CFI: variants seen among roughly 807,000 people sequenced by gnomAD.
The protein encoded by CFI is complement factor I.
CFI carries 66 observed loss-of-function variants against 78.8 expected under a neutral mutation model. The ratio of observed to expected loss-of-function variants is 0.84; its 90% CI spans 0.69 to 1.03. The LOEUF (loss-of-function observed/expected upper bound fraction) is 1.03. CFI is among the 50% of genes least tolerant of loss of function. The pLI is 0.00. For synonymous variants in CFI, 250 were observed against 232.6 expected (o/e 1.07, Z -0.68); for missense variants, 706 against 704.5 (o/e 1.00, Z -0.02).
At chr4:109,792,106 A>G (rs1731455682) in intron 1 of CFI, among the ~76,000 whole-genome samples, 1 of 152,106 alleles carries the variant, frequency 6.6e-6, no homozygotes, top group Admixed American at 6.6e-5. Flanking sequence ...TATCTTAGAA[A>G]TTGTTCCATG....
chr4:109,779,920 C>T (rs1579280143), intron 1 of CFI, among the ~76,000 whole-genome samples: 2 of 152,066 alleles, frequency 1.3e-5, no homozygotes, highest in South Asian at 4.2e-4. Flanking sequence ...GGAAAACTGG[C>T]TAGCCATAAG....
rs200025458 is a variant in CFI at position 109,742,551 on chromosome 4, T to G, written c.1474A>C (p.Ile492Leu). Reference sequence around the variant, plus strand: ...CCGTAAAACTTAGAGCAGTTGCTTATTAGTTTAACTTCACCCCACTGAAGT... The same window carrying G: ...CCGTAAAACTTAGAGCAGTTGCTTAGTAGTTTAACTTCACCCCACTGAAGT... ...FSLQWGEVKL[I>L]SNCSKFYGNR... The change falls in exon 12 of 13, where the codon ATA becomes CTA. Residue 492 changes from isoleucine to leucine, a missense_variant. Coordinates refer to ENST00000394634, the MANE Select transcript of CFI (RefSeq NM_000204.5). 5.5e-5 allele frequency: 89 copies of G among 1,613,584 alleles called. No individual in the cohort carries two copies. The highest frequency in any genetic ancestry group is 7.4e-5 in the Non-Finnish European group (87 of 1,179,622).
intron 7 of CFI, among the ~76,000 whole-genome samples, chr4:109,753,484 TAATAAATATTTATAA>T (rs1561293629): frequency 2.3e-5 from 2 of 85,558 alleles, no homozygotes; most frequent in African/African-American, 9.7e-5. Context: ...TAAATATTTA[TAATAAATATTTATAA>T]TATATTTATT....
chr4:109,791,229 G>C (rs1731339849), intron 1 of CFI, among the ~76,000 whole-genome samples: 1 of 151,954 alleles, frequency 6.6e-6, no homozygotes, highest in South Asian at 2.1e-4. Flanking sequence ...TATGATTGCT[G>C]CTGCATATAA....
intron 2 of CFI, among the ~76,000 whole-genome samples, chr4:109,765,245 C>T (rs1727584586): frequency 6.6e-6 from 1 of 152,164 alleles, no homozygotes; most frequent in Non-Finnish European, 1.5e-5. Context: ...ATCTCAACAT[C>T]TTAACTCAGC....
At chr4:109,791,174 T>C (rs1731332733) in intron 1 of CFI, among the ~76,000 whole-genome samples, 1 of 152,244 alleles carries the variant, frequency 6.6e-6, no homozygotes, top group South Asian at 2.1e-4. Flanking sequence ...ATTGTGGTTT[T>C]AATTTGCATT....
intron 6 of CFI, 166 bp from the exon 7 acceptor site, chr4:109,757,949 A>G (rs1053405225): frequency 4.1e-6 from 6 of 1,465,988 alleles, no homozygotes; most frequent in African/African-American, 1.4e-5. Context: ...GAATTGTAGG[A>G]TGTCTAGCTG....
chr4:109,737,358 T>C (rs1723429005), downstream of CFI, among the ~76,000 whole-genome samples: 1 of 152,188 alleles, frequency 6.6e-6, no homozygotes. Flanking sequence ...TGTATCTGCC[T>C]GGAAAGTTCT....
At chr4:109,752,941 A>T (rs1327899722) in intron 7 of CFI, among the ~76,000 whole-genome samples, 1 of 81,230 alleles carries the variant, frequency 1.2e-5, no homozygotes, top group East Asian at 2.6e-4. Flanking sequence ...TATATAAATA[A>T]ATATTTATAA....
downstream of CFI, among the ~76,000 whole-genome samples, chr4:109,738,245 G>A (rs1268569882): frequency 1.3e-5 from 2 of 151,392 alleles, no homozygotes; most frequent in South Asian, 2.1e-4. Context: ...CTTCCAAGTA[G>A]CAGGGGCTGC....
At chr4:109,733,303 C>T in the CFI span, among the ~76,000 whole-genome samples, 41 of 152,324 alleles carry the variant, frequency 2.7e-4, no homozygotes, top group East Asian at 1.5e-3. Flanking sequence ...GACCCACTTC[C>T]ATCTTTTCTT....
At chr4:109,780,610 C>T (rs1342147713) in intron 1 of CFI, among the ~76,000 whole-genome samples, 2 of 152,130 alleles carry the variant, frequency 1.3e-5, no homozygotes, top group African/African-American at 4.8e-5. Context: ...AGATCTAGAA[C>T]TGGAAATACC....
At chr4:109,795,975 G>T (rs1434518901) in intron 1 of CFI, among the ~76,000 whole-genome samples, 3 of 152,092 alleles carry the variant, frequency 2.0e-5, no homozygotes, top group Admixed American at 2.0e-4. Flanking sequence ...ATCTAGGGAA[G>T]GAAATGGACA....
At chr4:109,741,465 A>G in intron 12 of CFI, 1 of 500,572 alleles carries the variant, frequency 2.0e-6, no homozygotes, top group Non-Finnish European at 2.6e-6. Flanking sequence ...TTAGTCATTC[A>G]TTGTCTTCAT....
At chr4:109,778,796 C>T (rs1729616043) in intron 1 of CFI, among the ~76,000 whole-genome samples, 1 of 152,168 alleles carries the variant, frequency 6.6e-6, no homozygotes, top group Non-Finnish European at 1.5e-5. Flanking sequence ...ATCAAGTTGG[C>T]TTCATCCCTG....
At chr4:109,787,722 T>C (rs1171839564) in intron 1 of CFI, among the ~76,000 whole-genome samples, 3 of 152,004 alleles carry the variant, frequency 2.0e-5, no homozygotes, top group African/African-American at 4.8e-5. Context: ...TAATTTTTAG[T>C]CTCTCTAAAA....
intron 7 of CFI, among the ~76,000 whole-genome samples, chr4:109,755,312 G>C (rs559457903): frequency 6.6e-6 from 1 of 152,286 alleles, no homozygotes; most frequent in South Asian, 2.1e-4. Flanking sequence ...ATTGGTGGAA[G>C]TAAGGACTGG....
intron 2 of CFI, among the ~76,000 whole-genome samples, chr4:109,765,885 G>A (rs1164858714): frequency 1.3e-5 from 2 of 152,132 alleles, no homozygotes; most frequent in Non-Finnish European, 2.9e-5. Flanking sequence ...TTGGGAGGCC[G>A]AGGCGGGCGG....
downstream of CFI, among the ~76,000 whole-genome samples, chr4:109,738,793 A>G (rs150643848): frequency 5.5e-3 from 835 of 152,332 alleles, 12 homozygotes; most frequent in African/African-American, 0.019. Context: ...CACATGAGTG[A>G]ATAAGCCTTC....
Sources: gnomAD v4.1 joint callset for allele counts (sites outside exome capture counted in the v4.1 genomes callset) on GRCh38, gnomAD v4.1.1 for gene constraint, MANE v1.5 for transcripts, NCBI Gene and HGNC (gene_info 2026-07-23, HGNC 2026-07-21) for gene names.